Variants in DMBT1 observed in about 807,000 individuals in gnomAD.
DMBT1 encodes scavenger receptor cysteine-rich domain-containing protein DMBT1.
DMBT1 carries 198 observed loss-of-function variants against 252.9 expected under a neutral mutation model. The ratio of observed to expected loss-of-function variants is 0.78; its 90% confidence interval spans 0.70 to 0.88. DMBT1 has a LOEUF of 0.88. DMBT1 is among the 40% of genes least tolerant of loss of function. DMBT1 has a pLI of 0.00. For missense variants in DMBT1, 2,432 were observed against 2,404.7 expected, an observed-to-expected ratio of 1.01 and a Z score of -0.24; for synonymous variants, 990 against 942.7, an observed-to-expected ratio of 1.05 and a Z score of -0.92.
intron 1 of DMBT1, among the ~76,000 whole-genome samples, chr10:122,563,631 C>T (rs2097566648): frequency 6.6e-6 from 1 of 151,978 alleles, no homozygotes; most frequent in South Asian, 2.1e-4. Context: ...GATTCTTCTC[C>T]CTTCAGGCAA....
intron 6 of DMBT1, 111 bp from the exon 7 acceptor site, chr10:122,576,288 G>C: frequency 6.9e-7 from 1 of 1,454,214 alleles, no homozygotes; most frequent in Non-Finnish European, 9.3e-7. Flanking sequence ...AGCCCAATTA[G>C]AGATTCTCTC....
chr10:122,598,851 G>C lies in DMBT1; in HGVS notation c.3034G>C (p.Gly1012Arg). Residue 1012 changes from glycine to arginine, a missense_variant, in exon 26 of 56, where the codon GGC becomes CGC. This residue lies in a region of DMBT1 where 1,264 missense variants were observed against 1,082.2 expected (regional missense o/e 1.17). Transcript: ENST00000338354. ...CQGRVEVLYQ[G>R]SWGTVCDDSW... The stretch of plus-strand genomic sequence containing the variant: ...GGGCCGAGTGGAGGTCCTATACCAA[G>C]GCTCCTGGGGCACCGTGTGCGATGA... 6.2e-7 allele frequency: 1 copy of C among 1,613,808 alleles called. No individual in the cohort carries two copies.
intron 2 of DMBT1, 76 bp downstream of exon 2, chr10:122,566,072 T>C (rs2097587698): frequency 6.9e-7 from 1 of 1,457,930 alleles, no homozygotes. Flanking sequence ...TAGTTGAGGC[T>C]GAGCACAGCT....
chr10:122,602,128 TC>T lies in DMBT1; in HGVS notation c.3667+10del. The T allele has an allele frequency of 8.3e-7, 1 of 1,197,876 alleles. No individual in the cohort carries two copies. The allele number at this position is 1,197,876 out of a possible 1,614,324, so 74.2% of individuals were successfully genotyped here. ...CTGGTGTCATCTGCTCAGGTGGGCC[TC>T]CAAGACCTTCGGCTCCCTCTCCTAG... On this transcript the variant is annotated intron_variant, in intron 29 of 55. Coordinates refer to ENST00000338354, the MANE Select transcript of DMBT1 (RefSeq NM_001377530.1).
intron 17 of DMBT1, 110 bp from the exon 18 acceptor site, chr10:122,590,555 T>A (rs1412514800): frequency 7.6e-7 from 1 of 1,307,498 alleles, no homozygotes; most frequent in Non-Finnish European, 1.1e-6. Context: ...CCCTCTGTGA[T>A]GGGGACATAG....
intron 55 of DMBT1, among the ~76,000 whole-genome samples, chr10:122,640,652 T>C (rs956467932): frequency 1.3e-5 from 2 of 152,222 alleles, no homozygotes; most frequent in Non-Finnish European, 2.9e-5. Flanking sequence ...ATCACATCCC[T>C]GATTTCTCAT....
chr10:122,590,509 G>T lies in DMBT1; in HGVS notation c.2108-156G>T, dbSNP rs750549132. On this transcript the variant is annotated intron_variant, in intron 17 of 55. Coordinates refer to ENST00000338354, the MANE Select transcript of DMBT1 (RefSeq NM_001377530.1). ...AAGATCTGCCCAGATGCCTTTCAAG[G>T]AGCATCTTTGTGGGGACGTGCATGG... Among the ~76,000 whole-genome samples the T allele has an allele frequency of 3.4e-5, 5 of 148,586 alleles. 1 individual carries two copies. Among genetic ancestry groups the T allele is most frequent in the Non-Finnish European group, 3.0e-5 (2 of 66,676 alleles).
In DMBT1 at chr10:122,629,983, A is replaced by G; in HGVS notation, c.5812A>G (p.Ser1938Gly). The change falls in exon 47 of 56, where the codon AGT (serine) becomes GGT (glycine). Residue 1938 changes from serine to glycine, a missense_variant. Transcript: ENST00000338354. ...TGGTTATCGCATAAACCTGGGCTTCAGTAATCTGAAGTAAGTAATGCCTGG... is the reference window on the plus strand; with the variant it reads ...TGGTTATCGCATAAACCTGGGCTTCGGTAATCTGAAGTAAGTAATGCCTGG... ...NSGYRINLGF[S>G]NLKLEAHHNC... is the part of the protein sequence containing the mutation. 6.2e-7 allele frequency: 1 copy of G among 1,614,032 alleles called. No homozygotes were observed. The highest frequency in any genetic ancestry group is 1.1e-5 in the South Asian group (1 of 91,078).
At chr10:122,569,386 T>C (rs1389220337) in intron 2 of DMBT1, among the ~76,000 whole-genome samples, 1 of 152,206 alleles carries the variant, frequency 6.6e-6, no homozygotes, top group Non-Finnish European at 1.5e-5. Context: ...AGCTACTTAA[T>C]ATCCTCAATG....
At chr10:122,569,085 A>G (rs534177544) in intron 2 of DMBT1, among the ~76,000 whole-genome samples, 1 of 152,234 alleles carries the variant, frequency 6.6e-6, no homozygotes, top group Non-Finnish European at 1.5e-5. Flanking sequence ...ATGAAGGTCA[A>G]GGGATCATCG....
At chr10:122,589,640 C>T (rs1001759465) in intron 17 of DMBT1, among the ~76,000 whole-genome samples, 2 of 148,424 alleles carry the variant, frequency 1.3e-5, no homozygotes, top group Middle Eastern at 3.4e-3. Flanking sequence ...TGCATAGGAG[C>T]GTGGTATCTG....
In DMBT1 at chr10:122,598,022, C is replaced by T. The variant is rs1400535318; in HGVS notation, c.2956+10C>T. 2 of 1,613,784 alleles carry T rather than the reference C, an allele frequency of 1.2e-6. No individual in the cohort carries two copies. The highest frequency in any genetic ancestry group is 1.7e-6 in the Non-Finnish European group (2 of 1,179,860). ...CCTGCATCGACAGTAGGTAAATATTCCTCTCGCCCCTCCCTAGGGCTCACT... is the reference window on the plus strand; with the variant it reads ...CCTGCATCGACAGTAGGTAAATATTTCTCTCGCCCCTCCCTAGGGCTCACT... On this transcript the variant is annotated intron_variant, in intron 25 of 55. Coordinates refer to ENST00000338354, the MANE Select transcript of DMBT1 (RefSeq NM_001377530.1).
At chr10:122,569,029 T>C (rs996806794) in intron 2 of DMBT1, among the ~76,000 whole-genome samples, 7 of 152,232 alleles carry the variant, frequency 4.6e-5, no homozygotes, top group Non-Finnish European at 8.8e-5. Flanking sequence ...AAGTCATGTC[T>C]TAATTGATAT....
chr10:122,573,982 C>T (rs2097689579), intron 6 of DMBT1, among the ~76,000 whole-genome samples: 1 of 152,152 alleles, frequency 6.6e-6, no homozygotes, highest in Admixed American at 6.5e-5. Flanking sequence ...CCAAGGAGTT[C>T]TCAGTGGAGC....
chr10:122,641,193 C>G (rs1181922581), intron 55 of DMBT1, among the ~76,000 whole-genome samples: 1 of 152,136 alleles, frequency 6.6e-6, no homozygotes, highest in Non-Finnish European at 1.5e-5. Flanking sequence ...GCAGGCTGGG[C>G]TGCTCTACCA....
chr10:122,575,591 T>C (rs539398135), intron 6 of DMBT1, among the ~76,000 whole-genome samples: 4 of 152,286 alleles, frequency 2.6e-5, no homozygotes, highest in African/African-American at 9.6e-5. Context: ...CCACTACAAA[T>C]ACTGAGTCTA....
intron 27 of DMBT1, among the ~76,000 whole-genome samples, chr10:122,600,559 T>G (rs140272556): frequency 6.6e-6 from 1 of 152,202 alleles, no homozygotes; most frequent in African/African-American, 2.4e-5. Context: ...AGTTTGTGCT[T>G]GGGCAGGGAG....
Position 122,576,494 on chromosome 10 carries a change from T to A in DMBT1, c.379T>A (p.Cys127Ser). The A allele has an allele frequency of 6.2e-7, 1 of 1,613,952 alleles. No individual in the cohort carries two copies. The highest frequency in any genetic ancestry group is 8.5e-7 in the Non-Finnish European group (1 of 1,179,876). ...ILYRGSWGTVCDDSWDTNDAN... is the reference protein window; with the variant it reads ...ILYRGSWGTVSDDSWDTNDAN... ...ATACCGAGGCTCCTGGGGCACCGTGTGTGATGACAGCTGGGACACCAATGA... is the reference window on the plus strand; with the variant it reads ...ATACCGAGGCTCCTGGGGCACCGTGAGTGATGACAGCTGGGACACCAATGA... Residue 127 changes from cysteine (C) to serine (S), a missense_variant, in exon 7 of 56, where the codon TGT becomes AGT. Transcript: ENST00000338354.
intron 6 of DMBT1, 44 bp from the exon 7 acceptor site, chr10:122,576,355 G>A (rs2097712048): frequency 1.2e-6 from 2 of 1,602,074 alleles, no homozygotes; most frequent in Admixed American, 1.7e-5. Flanking sequence ...GAGACCTTGT[G>A]CCTCAGTAGG....
Sources: gnomAD v4.1 joint callset for allele counts (sites outside exome capture counted in the v4.1 genomes callset) on GRCh38, gnomAD v4.1.1 for gene constraint, gnomAD v4.1.1 regional missense constraint, MANE v1.5 for transcripts, NCBI Gene and HGNC (gene_info 2026-07-23, HGNC 2026-07-21) for gene names.